The following RNF128 variants were observed in gnomAD, a reference collection of about 807,000 sequenced individuals.
The protein encoded by RNF128 is E3 ubiquitin-protein ligase RNF128.
A neutral mutation model predicts 26.2 loss-of-function variants in RNF128; 13 were observed. The ratio of observed to expected loss-of-function variants is 0.50; its 90% confidence interval spans 0.32 to 0.79. The LOEUF (loss-of-function observed/expected upper bound fraction) is 0.79, where lower values mean the gene tolerates loss of function less well. Among genes scored for constraint, RNF128 ranks in the 30% least tolerant of loss-of-function variants. The probability of loss-of-function intolerance (pLI) is 0.03; values close to 1 mark genes in which losing one functional copy is unlikely to be tolerated. For synonymous variants in RNF128, 149 were observed against 142.5 expected, an observed-to-expected ratio of 1.05 and a Z score of -0.32; for missense variants, 315 against 349.7, an observed-to-expected ratio of 0.90 and a Z score of 0.79.
chrX:106,792,756 C>T (rs1407001295), intron 6 of RNF128, among the ~76,000 whole-genome samples: 4 of 111,353 alleles, frequency 3.6e-5, no homozygotes, highest in South Asian at 3.7e-4. Context: ...CATAGAACTT[C>T]GATCATTGCA....
At chrX:106,694,375 A>G (rs1928840761) in exon 1 of RNF128, 1 of 1,198,734 alleles carries the variant, frequency 8.3e-7, no homozygotes, top group African/African-American at 1.7e-5. Flanking sequence ...TGCTCCAGAG[A>G]CTGGCAATCA....
chrX:106,720,144 C>T (rs754087121), intron 1 of RNF128, among the ~76,000 whole-genome samples: 1 of 109,570 alleles, frequency 9.1e-6, no homozygotes, highest in South Asian at 4.0e-4. Flanking sequence ...GTAAAGACCA[C>T]TCATCTCCAT....
chrX:106,777,831 A>G (rs1249881486), intron 2 of RNF128, among the ~76,000 whole-genome samples: 1 of 111,135 alleles, frequency 9.0e-6, no homozygotes, highest in African/African-American at 3.3e-5. Flanking sequence ...TTAGCCAGGC[A>G]TGGTGGCATG....
chrX:106,769,498 T>G (rs771935104), intron 1 of RNF128, among the ~76,000 whole-genome samples: 1 of 109,014 alleles, frequency 9.2e-6, no homozygotes, highest in South Asian at 4.1e-4. Context: ...TGATCTTTGT[T>G]GGTTTAAAGT....
At chrX:106,743,559 A>G (rs1475051792) in intron 1 of RNF128, among the ~76,000 whole-genome samples, 1 of 112,666 alleles carries the variant, frequency 8.9e-6, no homozygotes, top group Non-Finnish European at 1.9e-5. Flanking sequence ...GAAAGAATTC[A>G]TTGATATTGT....
intron 2 of RNF128, among the ~76,000 whole-genome samples, chrX:106,774,514 A>C (rs1368898815): frequency 1.8e-5 from 2 of 112,580 alleles, no homozygotes; most frequent in Non-Finnish European, 3.8e-5. Context: ...CCCATTTTCA[A>C]AAGATTTTCT....
intron 1 of RNF128, among the ~76,000 whole-genome samples, chrX:106,771,386 C>G (rs1227995641): frequency 8.9e-6 from 1 of 112,700 alleles, no homozygotes; most frequent in Non-Finnish European, 1.9e-5. Flanking sequence ...CCTCCTTGAG[C>G]TGTGGTGGGC....
intron 1 of RNF128, among the ~76,000 whole-genome samples, chrX:106,708,442 A>G (rs1929076890): frequency 8.9e-6 from 1 of 112,490 alleles, no homozygotes; most frequent in Non-Finnish European, 1.9e-5. Flanking sequence ...ACTTATCTAC[A>G]TAAGCTATTG....
In RNF128 at chrX:106,727,998, A is replaced by T. The variant is rs757096408; in HGVS notation, c.484+601A>T. ...CTTTTGTTTGCTTCTGAAAAATCTG[A>T]TTTAGGTTATTGAGTTGCAAAACAG... On this transcript the variant is annotated intron_variant, in intron 1 of 6. Coordinates refer to ENST00000255499, the MANE Select transcript of RNF128 (RefSeq NM_194463.2). Among the ~76,000 whole-genome samples, 25 of 111,446 alleles carry T rather than the reference A, an allele frequency of 2.2e-4. No homozygotes were observed. The East Asian group carries it at 4.5e-3, about 20-fold the overall frequency.
chrX:106,749,891 C>T (rs989620104), intron 1 of RNF128, among the ~76,000 whole-genome samples: 11 of 103,964 alleles, frequency 1.1e-4, no homozygotes, highest in African/African-American at 3.8e-4. Flanking sequence ...GGCAACAGAG[C>T]GAGACCTTGT....
chrX:106,760,411 A>G (rs1388921193), intron 1 of RNF128, among the ~76,000 whole-genome samples: 1 of 111,791 alleles, frequency 8.9e-6, no homozygotes, highest in Non-Finnish European at 1.9e-5. Flanking sequence ...CATCAGGAAA[A>G]TGCAAATCAA....
intron 4 of RNF128, among the ~76,000 whole-genome samples, chrX:106,788,886 A>C (rs763296124): frequency 1.3e-5 from 1 of 77,048 alleles, no homozygotes; most frequent in Non-Finnish European, 2.3e-5. Context: ...ATAATATATT[A>C]TATATTATAC....
At chrX:106,704,433 G>A (rs866230111) in intron 1 of RNF128, among the ~76,000 whole-genome samples, 996 of 48,983 alleles carry the variant, frequency 0.02, 14 homozygotes, top group African/African-American at 0.062. Context: ...CTCTGTCTCA[G>A]AAAAAAAAAA....
chrX:106,734,207 G>GA (rs1338837460), intron 1 of RNF128, among the ~76,000 whole-genome samples: 3 of 110,855 alleles, frequency 2.7e-5, no homozygotes, highest in Non-Finnish European at 3.8e-5. Context: ...GAAAGGAAGT[G>GA]AAAAAATGGA....
At chrX:106,755,893 G>T (rs1929999191) in intron 1 of RNF128, among the ~76,000 whole-genome samples, 1 of 110,463 alleles carries the variant, frequency 9.1e-6, no homozygotes, top group African/African-American at 3.3e-5. Context: ...AAAGTCTCAG[G>T]ATACAAAATC....
chrX:106,726,585 T>G (rs1055198151), upstream of RNF128: 30 of 789,083 alleles, frequency 3.8e-5, no homozygotes, highest in African/African-American at 6.1e-4. Flanking sequence ...CGATCCATCC[T>G]GTTACCCTTT....
intron 6 of RNF128, 116 bp downstream of exon 6, chrX:106,791,350 T>A (rs1930823100): frequency 1.5e-6 from 1 of 664,325 alleles, no homozygotes; most frequent in Non-Finnish European, 2.2e-6. Flanking sequence ...TGATCCAGGT[T>A]TTTTCTACTT....
In RNF128 at chrX:106,726,933, C is replaced by T; in HGVS notation, c.20C>T (p.Ala7Val). 1 of 1,178,512 alleles carries T rather than the reference C, an allele frequency of 8.5e-7. No homozygotes were observed. Among genetic ancestry groups the T allele is most frequent in the Non-Finnish European group, 1.1e-6 (1 of 879,591 alleles). ...CGCGCCATGGGGCCGCCGCCTGGGG[C>T]CGGGGTCTCCTGCCGCGGTGGCTGC... Reference protein sequence around the residue: MGPPPGAGVSCRGGCGF... With the variant: MGPPPGVGVSCRGGCGF... Residue 7 changes from alanine (A) to valine (V), a missense_variant, in exon 1 of 7, where the codon GCC becomes GTC. Coordinates refer to ENST00000255499, the MANE Select transcript of RNF128 (RefSeq NM_194463.2).
At chrX:106,719,081 T>G (rs769491648) in intron 1 of RNF128, among the ~76,000 whole-genome samples, 2 of 112,371 alleles carry the variant, frequency 1.8e-5, no homozygotes, top group Admixed American at 9.4e-5. Flanking sequence ...AATAGGTGAT[T>G]GTGATTACAT....
Sources: allele counts gnomAD v4.1 joint callset (sites outside exome capture counted in the v4.1 genomes callset), GRCh38; gene constraint gnomAD v4.1.1; transcripts MANE v1.5; gene names NCBI Gene and HGNC (gene_info 2026-07-23, HGNC 2026-07-21).